The following KPLCE variants were observed in gnomAD, a reference collection of about 807,000 sequenced individuals.
The protein encoded by KPLCE is protein KPLCE.
the KPLCE span, chr1:152,720,163 C>T: frequency 1.3e-6 from 2 of 1,551,740 alleles, no homozygotes; most frequent in Non-Finnish European, 1.7e-6. Context: ...GTTCTGGGGG[C>T]TGTGGCTGCA....
At chr1:152,719,849 G>A in the KPLCE span, 404 of 1,552,098 alleles carry the variant, frequency 2.6e-4, no homozygotes, top group Non-Finnish European at 2.8e-4. Context: ...CCAAACCTAC[G>A]TGAAGTGCCC....
the KPLCE span, chr1:152,719,983 CCAGTACTGTGTCA>C: frequency 1.3e-6 from 2 of 1,551,854 alleles, no homozygotes; most frequent in Non-Finnish European, 1.7e-6. Context: ...GCTCAACCTC[CCAGTACTGTGTCA>C]CTGACCCATG....
chr1:152,719,974 CT>C, the KPLCE span: 1 of 1,551,756 alleles, frequency 6.4e-7, no homozygotes, highest in African/African-American at 1.4e-5. Flanking sequence ...CTGCAAGTGG[CT>C]CAACCTCCCA....
At chr1:152,719,733 C>G in the KPLCE span, 1 of 1,552,116 alleles carries the variant, frequency 6.4e-7, no homozygotes, top group Non-Finnish European at 8.7e-7. Flanking sequence ...GTGAAGTGCC[C>G]AGCTCCCTGC....
At chr1:152,719,798 G>C in the KPLCE span, 1 of 1,551,066 alleles carries the variant, frequency 6.4e-7, no homozygotes. Flanking sequence ...GAAGTGCCCA[G>C]CTCCCTGCCA....
the KPLCE span, chr1:152,720,230 C>T: frequency 1.2e-5 from 18 of 1,551,354 alleles, no homozygotes; most frequent in East Asian, 2.4e-5. Context: ...CATGAGGTCC[C>T]GAGGTCCTGC....
chr1:152,720,074 C>G, the KPLCE span: 2 of 1,551,726 alleles, frequency 1.3e-6, no homozygotes, highest in Non-Finnish European at 1.7e-6. Context: ...TCCCCTGAGA[C>G]GCTGGATTCA....
the KPLCE span, chr1:152,719,901 G>C: frequency 6.4e-7 from 1 of 1,552,234 alleles, no homozygotes; most frequent in Non-Finnish European, 8.7e-7. Flanking sequence ...CCAGCTCCCT[G>C]CCAGACCCAG....
chr1:152,720,268 C>A, the KPLCE span: 1 of 1,543,964 alleles, frequency 6.5e-7, no homozygotes, highest in Non-Finnish European at 8.8e-7. Flanking sequence ...ATGACTGCTG[C>A]TGCTAAACAT....
At chr1:152,720,226 G>A in the KPLCE span, 4 of 1,551,546 alleles carry the variant, frequency 2.6e-6, no homozygotes, top group Non-Finnish European at 3.5e-6. Context: ...TCCCCATGAG[G>A]TCCCGAGGTC....
At chr1:152,720,032 T>C in the KPLCE span, 1 of 1,551,752 alleles carries the variant, frequency 6.4e-7, no homozygotes, top group Non-Finnish European at 8.7e-7. Context: ...CACCAGCTAC[T>C]GCTGTCTGGC....
the KPLCE span, chr1:152,719,548 G>T: frequency 1.3e-6 from 2 of 1,551,574 alleles, no homozygotes; most frequent in African/African-American, 2.7e-5. Context: ...AGCAGCCACA[G>T]TTCCCTCCAT....
the KPLCE span, chr1:152,719,751 C>T: frequency 7.1e-6 from 11 of 1,551,972 alleles, no homozygotes; most frequent in South Asian, 2.4e-5. Flanking sequence ...TGCCAGAGGA[C>T]CTATGTGAAA....
At chr1:152,719,735 G>C in the KPLCE span, 1 of 1,552,048 alleles carries the variant, frequency 6.4e-7, no homozygotes, top group Non-Finnish European at 8.7e-7. Context: ...GAAGTGCCCA[G>C]CTCCCTGCCA....
the KPLCE span, chr1:152,720,184 T>C: frequency 1.3e-6 from 2 of 1,551,734 alleles, no homozygotes; most frequent in Non-Finnish European, 1.7e-6. Context: ...GCTGTGGATG[T>C]GGCAGCTCTG....
At chr1:152,720,000 A>T in the KPLCE span, 3 of 1,551,736 alleles carry the variant, frequency 1.9e-6, no homozygotes, top group Non-Finnish European at 2.6e-6. Context: ...TGTGTCACTG[A>T]CCCATGCTCT....
chr1:152,719,970 G>A, the KPLCE span: 1 of 1,551,902 alleles, frequency 6.4e-7, no homozygotes, highest in Non-Finnish European at 8.7e-7. Flanking sequence ...GCTCCTGCAA[G>A]TGGCTCAACC....
chr1:152,720,076 C>G, the KPLCE span: 1 of 1,551,760 alleles, frequency 6.4e-7, no homozygotes, highest in Non-Finnish European at 8.7e-7. Context: ...CCCTGAGACG[C>G]TGGATTCAGC....
At chr1:152,720,228 C>T in the KPLCE span, 3 of 1,551,444 alleles carry the variant, frequency 1.9e-6, no homozygotes, top group Non-Finnish European at 1.7e-6. Flanking sequence ...CCCATGAGGT[C>T]CCGAGGTCCT....
Sources: allele counts gnomAD v4.1 joint callset, GRCh38; gene constraint gnomAD v4.1.1; transcripts MANE v1.5; gene names NCBI Gene and HGNC (gene_info 2026-07-23, HGNC 2026-07-21).